Variants in BLTP3A observed in about 807,000 individuals in gnomAD.
The protein encoded by BLTP3A is bridge-like lipid transfer protein family member 3A, also known as ICBP90 binding protein 1.
chr6:34,867,929 C>G, the BLTP3A span, among the ~76,000 whole-genome samples: 1 of 152,210 alleles, frequency 6.6e-6, no homozygotes, highest in Admixed American at 6.5e-5. Context: ...CAGGGAACTT[C>G]TGTCATTCAG....
the BLTP3A span, chr6:34,834,326 C>T: frequency 6.2e-7 from 1 of 1,613,882 alleles, no homozygotes; most frequent in Non-Finnish European, 8.5e-7. Context: ...ATTGTGGCAG[C>T]TCCAGGGCTA....
chr6:34,858,416 C>T, the BLTP3A span: 7 of 1,614,166 alleles, frequency 4.3e-6, no homozygotes, highest in Non-Finnish European at 5.9e-6. Context: ...CCCCAGAGAC[C>T]TAAGGCTTCC....
At chr6:34,863,608 T>C in the BLTP3A span, among the ~76,000 whole-genome samples, 1 of 152,312 alleles carries the variant, frequency 6.6e-6, no homozygotes, top group East Asian at 1.9e-4. Context: ...CACTCCTGCC[T>C]AGTGCCTAGT....
At chr6:34,871,421 T>C in the BLTP3A span, among the ~76,000 whole-genome samples, 1 of 152,202 alleles carries the variant, frequency 6.6e-6, no homozygotes, top group Admixed American at 6.5e-5. Flanking sequence ...ATTCTCAGTT[T>C]CACCATCTCT....
the BLTP3A span, chr6:34,822,031 G>T: frequency 3.8e-6 from 6 of 1,573,004 alleles, no homozygotes; most frequent in Non-Finnish European, 1.7e-6. Context: ...GGGAGAAAAT[G>T]ATAGGCTAAC....
the BLTP3A span, chr6:34,856,505 C>T: frequency 6.8e-7 from 1 of 1,462,620 alleles, no homozygotes; most frequent in African/African-American, 1.4e-5. Flanking sequence ...GCTAATTATC[C>T]CAGCTGTATG....
the BLTP3A span, among the ~76,000 whole-genome samples, chr6:34,798,571 T>C: frequency 2.3e-3 from 342 of 150,940 alleles, 10 homozygotes; most frequent in East Asian, 0.062. Context: ...TTCTGGTGAA[T>C]GTATTTTTAA....
the BLTP3A span, chr6:34,876,355 C>T: frequency 1.3e-5 from 2 of 152,240 alleles, no homozygotes; most frequent in Non-Finnish European, 2.9e-5. Flanking sequence ...CCACCCCTCA[C>T]ATACCCCTGT....
At chr6:34,858,474 G>C in the BLTP3A span, 1 of 1,614,002 alleles carries the variant, frequency 6.2e-7, no homozygotes, top group Non-Finnish European at 8.5e-7. Context: ...TGGACTTTGA[G>C]GGAACAGAAA....
chr6:34,830,596 G>GAA, the BLTP3A span, among the ~76,000 whole-genome samples: 1 of 146,392 alleles, frequency 6.8e-6, no homozygotes, highest in Non-Finnish European at 1.5e-5. Context: ...TCTCGGCGGG[G>GAA]AAAAAAAAAA....
the BLTP3A span, chr6:34,858,099 A>G: frequency 1.9e-6 from 3 of 1,603,212 alleles, no homozygotes; most frequent in South Asian, 1.1e-5. Flanking sequence ...ACCATTCTGA[A>G]TTGTGTTTCA....
the BLTP3A span, among the ~76,000 whole-genome samples, chr6:34,838,139 A>G: frequency 3.3e-5 from 5 of 152,202 alleles, no homozygotes. Flanking sequence ...TTACAATGCA[A>G]TTATTTATCT....
At chr6:34,831,627 A>T in the BLTP3A span, among the ~76,000 whole-genome samples, 3 of 152,150 alleles carry the variant, frequency 2.0e-5, no homozygotes, top group Non-Finnish European at 4.4e-5. Context: ...TCTCTAGTCC[A>T]TCTTGGAACT....
chr6:34,830,385 G>A, the BLTP3A span, among the ~76,000 whole-genome samples: 4 of 151,704 alleles, frequency 2.6e-5, no homozygotes, highest in Non-Finnish European at 4.4e-5. Flanking sequence ...TCAGGAGTTC[G>A]AGACCAGCCT....
chr6:34,866,423 AAG>A, the BLTP3A span, among the ~76,000 whole-genome samples: 1 of 152,108 alleles, frequency 6.6e-6, no homozygotes, highest in African/African-American at 2.4e-5. Context: ...AAAAAAAAAA[AAG>A]AACTCGTGGC....
the BLTP3A span, among the ~76,000 whole-genome samples, chr6:34,795,346 G>A: frequency 2.5e-4 from 38 of 152,156 alleles, no homozygotes; most frequent in Non-Finnish European, 3.7e-4. Context: ...CCAAAGTGCC[G>A]GGATTACAGG....
chr6:34,814,302 C>T, the BLTP3A span, among the ~76,000 whole-genome samples: 1 of 152,216 alleles, frequency 6.6e-6, no homozygotes, highest in Non-Finnish European at 1.5e-5. Flanking sequence ...AGGCATGAGC[C>T]ACTGTGCCCG....
chr6:34,824,782 T>A, the BLTP3A span, among the ~76,000 whole-genome samples: 1 of 151,928 alleles, frequency 6.6e-6, no homozygotes, highest in Non-Finnish European at 1.5e-5. Context: ...GTGATTCTTG[T>A]GCCTCGGCCT....
chr6:34,835,577 C>A, the BLTP3A span: 1 of 1,230,258 alleles, frequency 8.1e-7, no homozygotes, highest in Non-Finnish European at 1.1e-6. Context: ...TCATTTACTT[C>A]TGGGTATTCA....
Sources: allele counts gnomAD v4.1 joint callset (sites outside exome capture counted in the v4.1 genomes callset), GRCh38; gene constraint gnomAD v4.1.1; transcripts MANE v1.5; gene names NCBI Gene and HGNC (gene_info 2026-07-23, HGNC 2026-07-21).